Variants in ZNF254 observed in about 807,000 individuals in gnomAD.
ZNF254 encodes CTD-2017D11.1.
ZNF254 carries 10 observed loss-of-function variants against 12.4 expected under a neutral mutation model. The ratio of observed to expected loss-of-function variants is 0.80; its 90% CI spans 0.50 to 1.36. The LOEUF is 1.36. Ranked by LOEUF, ZNF254 falls within the 40% of genes most tolerant of loss-of-function variation. The probability of loss-of-function intolerance (pLI) is 0.00; values close to 1 mark genes in which losing one functional copy is unlikely to be tolerated. For missense variants in ZNF254, 996 were observed against 763.9 expected (o/e 1.30, Z -3.58); for synonymous variants, 305 against 253.4 (o/e 1.20, Z -1.93).
intron 2 of ZNF254, among the ~76,000 whole-genome samples, chr19:24,057,541 A>G (rs1241895144): frequency 6.6e-6 from 1 of 152,210 alleles, no homozygotes; most frequent in Admixed American, 6.5e-5. Flanking sequence ...GGAATGTTCT[A>G]ACTAGGCTCA....
At chr19:24,112,936 A>T (rs1448976348) in intron 3 of ZNF254, among the ~76,000 whole-genome samples, 4 of 152,260 alleles carry the variant, frequency 2.6e-5, no homozygotes. Context: ...TCTAGATGAA[A>T]TGGACAAATT....
At position 24,126,446 on chromosome 19, in the gene ZNF254, C is replaced by T. The variant is rs998516494; in HGVS notation, c.446C>T (p.Ala149Val). 2 of 1,596,236 alleles carry T rather than the reference C, an allele frequency of 1.3e-6. No homozygotes were observed. Among genetic ancestry groups the T allele is most frequent in the African/African-American group, 1.4e-5 (1 of 73,834 alleles). Reference protein sequence around the residue: ...YNGLNQCFTTAQSKVFQCDKY... With the variant: ...YNGLNQCFTTVQSKVFQCDKY... ...GGACTTAACCAGTGTTTCACAACTG[C>T]CCAGAGCAAAGTATTTCAATGTGAT... The change falls in exon 4 of 4, where the codon GCC becomes GTC. Residue 149 changes from alanine to valine, a missense_variant. Transcript: ENST00000357002.
At chr19:24,108,011 A>G (rs1377507767) in intron 3 of ZNF254, among the ~76,000 whole-genome samples, 1 of 152,200 alleles carries the variant, frequency 6.6e-6, no homozygotes, top group Non-Finnish European at 1.5e-5. Context: ...GGGCAGACCC[A>G]AGGGCAGGTT....
intron 1 of ZNF254, among the ~76,000 whole-genome samples, chr19:24,100,574 A>G (rs1972955893): frequency 6.6e-6 from 1 of 152,106 alleles, no homozygotes; most frequent in Non-Finnish European, 1.5e-5. Context: ...ATAATGTCAC[A>G]CTGGACACTA....
At position 24,116,429 on chromosome 19, in the gene ZNF254, G is replaced by A. The variant is rs143767157; in HGVS notation, c.253+9786G>A. Among the ~76,000 whole-genome samples, 455 of 151,620 alleles carry A rather than the reference G, an allele frequency of 3.0e-3. 1 individual carries two copies. Among genetic ancestry groups the A allele is most frequent in the African/African-American group, 0.011 (438 of 41,340 alleles). ...CTTTTTTCTCTAAACTTCCCTTCTC[G>A]CTTCATTTCATTCATTTCATCTTCT... On this transcript the variant is annotated intron_variant, in intron 3 of 3. Transcript: ENST00000357002.
At chr19:24,099,176 C>T (rs7256410) in intron 1 of ZNF254, among the ~76,000 whole-genome samples, 118,092 of 142,216 alleles carry the variant, frequency 0.83, 48,841 homozygotes, top group South Asian at 0.89. Flanking sequence ...TTTTTTTTTT[C>T]TTGTATTTTT....
intron 2 of ZNF254, among the ~76,000 whole-genome samples, chr19:24,081,528 C>A (rs1359926096): frequency 6.6e-6 from 1 of 152,058 alleles, no homozygotes; most frequent in South Asian, 2.1e-4. Context: ...GGAATAAATT[C>A]CCTGTTTAAT....
chr19:24,034,226 C>G (rs1468177595), intron 1 of ZNF254, among the ~76,000 whole-genome samples: 1 of 152,030 alleles, frequency 6.6e-6, no homozygotes, highest in Non-Finnish European at 1.5e-5. Flanking sequence ...GAAGCCTGAA[C>G]TCAGTGACTC....
At chr19:24,090,416 T>G (rs1972302888) in intron 1 of ZNF254, among the ~76,000 whole-genome samples, 1 of 152,016 alleles carries the variant, frequency 6.6e-6, no homozygotes, top group Non-Finnish European at 1.5e-5. Flanking sequence ...TTGAAAAGGT[T>G]TTTTCACTTA....
rs1974958592 is a variant in ZNF254 at position 24,127,439 on chromosome 19, A to G, written c.1439A>G (p.His480Arg). The G allele has an allele frequency of 1.9e-6, 3 of 1,612,760 alleles. No homozygotes were observed. Among genetic ancestry groups the G allele is most frequent in the South Asian group, 1.1e-5 (1 of 91,070 alleles). The change falls in exon 4 of 4, where the codon CAT becomes CGT. Residue 480 changes from histidine (H) to arginine (R), a missense_variant. Coordinates refer to ENST00000357002, the MANE Select transcript of ZNF254 (RefSeq NM_203282.4). ...ATATGGTCCTCAACCCTAACTAGAC[A>G]TAAGAGGATGCACACTGGAGAGAAA... Reference protein sequence around the residue: ...AFIWSSTLTRHKRMHTGEKPY... With the variant: ...AFIWSSTLTRRKRMHTGEKPY...
At chr19:24,049,210 ATATATT>A (rs1399838883) in intron 2 of ZNF254, among the ~76,000 whole-genome samples, 1 of 46,242 alleles carries the variant, frequency 2.2e-5, no homozygotes, top group Non-Finnish European at 4.3e-5. Flanking sequence ...ATATATATAT[ATATATT>A]TTTTTTTTTT....
At chr19:24,115,390 T>C (rs1028720683) in intron 3 of ZNF254, among the ~76,000 whole-genome samples, 7 of 152,014 alleles carry the variant, frequency 4.6e-5, no homozygotes, top group Admixed American at 2.6e-4. Context: ...ATGGATGAAA[T>C]TGGAAATCAT....
intron 2 of ZNF254, among the ~76,000 whole-genome samples, chr19:24,076,551 C>G (rs1337199490): frequency 6.6e-6 from 1 of 152,180 alleles, no homozygotes; most frequent in African/African-American, 2.4e-5. Context: ...CAGTAGGTCT[C>G]AGCCTCGTTT....
At chr19:24,112,846 A>G (rs1425885057) in intron 3 of ZNF254, among the ~76,000 whole-genome samples, 1 of 152,298 alleles carries the variant, frequency 6.6e-6, no homozygotes, top group East Asian at 1.9e-4. Flanking sequence ...GATAAAGGGA[A>G]TATCACCACT....
intron 3 of ZNF254, among the ~76,000 whole-genome samples, chr19:24,125,313 A>G (rs984033026): frequency 1.9e-4 from 16 of 82,546 alleles, no homozygotes; most frequent in African/African-American, 2.4e-4. Flanking sequence ...ACTATTTTTT[A>G]TTCTTGTCCT....
intron 2 of ZNF254, among the ~76,000 whole-genome samples, chr19:24,052,400 TC>T (rs1970683023): frequency 6.6e-6 from 1 of 152,170 alleles, no homozygotes; most frequent in Admixed American, 6.5e-5. Flanking sequence ...ACCCATGAAA[TC>T]GGAGGCTTCT....
At chr19:24,079,156 G>C (rs1190881629) in intron 2 of ZNF254, 1 of 152,138 alleles carries the variant, frequency 6.6e-6, no homozygotes, top group East Asian at 1.9e-4. Context: ...ATGAAACCCT[G>C]CAGCAGGCAT....
At chr19:24,118,384 GTT>G (rs1195215820) in intron 3 of ZNF254, among the ~76,000 whole-genome samples, 1 of 151,994 alleles carries the variant, frequency 6.6e-6, no homozygotes. Flanking sequence ...CAGATTAGGT[GTT>G]TTTAAAAAAT....
chr19:24,067,582 G>T (rs1971322724), intron 2 of ZNF254, among the ~76,000 whole-genome samples: 1 of 152,008 alleles, frequency 6.6e-6, no homozygotes, highest in African/African-American at 2.4e-5. Context: ...TGAAAAGATT[G>T]CATTATTAAA....
Sources: allele counts gnomAD v4.1 joint callset (sites outside exome capture counted in the v4.1 genomes callset), GRCh38; gene constraint gnomAD v4.1.1; transcripts MANE v1.5; gene names NCBI Gene and HGNC (gene_info 2026-07-23, HGNC 2026-07-21).